NEXMIF: variants seen among roughly 807,000 people sequenced by gnomAD.
The protein encoded by NEXMIF is XLMR protein related to neurite extension.
A neutral mutation model predicts 62.1 loss-of-function variants in NEXMIF; 8 were observed. The observed-to-expected ratio is 0.13, with a 90% CI of 0.08 to 0.23. The LOEUF (loss-of-function observed/expected upper bound fraction) is 0.23, where lower values mean the gene tolerates loss of function less well. Among genes scored for constraint, NEXMIF ranks in the 10% least tolerant of loss-of-function variants. The pLI is 1.00. For synonymous variants in NEXMIF, 404 were observed against 416.6 expected (o/e 0.97, Z 0.37); for missense variants, 976 against 1,113.3 (o/e 0.88, Z 1.75).
At chrX:74,786,803 G>A (rs1294792052) in intron 1 of NEXMIF, among the ~76,000 whole-genome samples, 1 of 110,051 alleles carries the variant, frequency 9.1e-6, no homozygotes, top group Non-Finnish European at 1.9e-5. Context: ...GTAGATAACT[G>A]AAAACAAGGT....
intron 1 of NEXMIF, among the ~76,000 whole-genome samples, chrX:74,821,646 C>G (rs1490270263): frequency 1.8e-5 from 2 of 111,545 alleles, no homozygotes; most frequent in Non-Finnish European, 3.8e-5. Flanking sequence ...CCTCTTTTAC[C>G]TAAGTAGCAA....
intron 1 of NEXMIF, among the ~76,000 whole-genome samples, chrX:74,901,222 G>T (rs1285849646): frequency 8.9e-6 from 1 of 112,023 alleles, no homozygotes; most frequent in Non-Finnish European, 1.9e-5. Flanking sequence ...TTCTGGCATG[G>T]ATTGCCTTTA....
intron 1 of NEXMIF, among the ~76,000 whole-genome samples, chrX:74,807,890 T>C (rs909478944): frequency 2.7e-5 from 3 of 112,275 alleles, no homozygotes; most frequent in Non-Finnish European, 5.6e-5. Flanking sequence ...CCATTCAGTA[T>C]ACTTTTAGCT....
At chrX:74,887,285 C>A (rs186454722) in intron 1 of NEXMIF, among the ~76,000 whole-genome samples, 15,108 of 109,889 alleles carry the variant, frequency 0.14, 1,735 homozygotes, top group East Asian at 0.9. Flanking sequence ...GCAGCAAAAG[C>A]CAAAATTGAC....
intron 1 of NEXMIF, among the ~76,000 whole-genome samples, chrX:74,906,006 A>G (rs2080767659): frequency 9.0e-6 from 1 of 111,188 alleles, no homozygotes; most frequent in African/African-American, 3.3e-5. Flanking sequence ...AGGGTGGCTC[A>G]TGCCTGTAAT....
intron 1 of NEXMIF, among the ~76,000 whole-genome samples, chrX:74,846,880 T>A (rs1305249948): frequency 8.9e-6 from 1 of 112,195 alleles, no homozygotes; most frequent in Non-Finnish European, 1.9e-5. Flanking sequence ...CTCAGAACTG[T>A]TGGAGGCAAG....
intron 1 of NEXMIF, among the ~76,000 whole-genome samples, chrX:74,757,080 A>C (rs1157264465): frequency 4.5e-5 from 5 of 111,872 alleles, no homozygotes; most frequent in Admixed American, 1.9e-4. Flanking sequence ...ATTTGGGCTC[A>C]CTTGCAACAT....
intron 1 of NEXMIF, among the ~76,000 whole-genome samples, chrX:74,758,469 T>A (rs1193876699): frequency 3.6e-5 from 4 of 111,703 alleles, no homozygotes; most frequent in Non-Finnish European, 7.5e-5. Flanking sequence ...ATATAGGTCA[T>A]AACATGGGGG....
At chrX:74,749,830 C>G (rs1036352469) in intron 1 of NEXMIF, among the ~76,000 whole-genome samples, 3 of 112,041 alleles carry the variant, frequency 2.7e-5, no homozygotes, top group Admixed American at 9.6e-5. Context: ...ACACCCCCAA[C>G]TCCACAGGGC....
chrX:74,879,728 AGAAT>A (rs1272559092), intron 1 of NEXMIF, among the ~76,000 whole-genome samples: 1 of 112,127 alleles, frequency 8.9e-6, no homozygotes, highest in Non-Finnish European at 1.9e-5. Flanking sequence ...TTCACTTTTC[AGAAT>A]GTTTTCCTTT....
At chrX:74,854,110 C>G (rs2080525473) in intron 1 of NEXMIF, among the ~76,000 whole-genome samples, 1 of 111,638 alleles carries the variant, frequency 9.0e-6, no homozygotes, top group African/African-American at 3.3e-5. Flanking sequence ...CAAAACTAGA[C>G]AAGTATACAA....
chrX:74,829,860 TG>T (rs1334977734), intron 1 of NEXMIF, among the ~76,000 whole-genome samples: 1 of 112,154 alleles, frequency 8.9e-6, no homozygotes, highest in Non-Finnish European at 1.9e-5. Context: ...TTTTTGGAAA[TG>T]TCTGTTCAAA....
In NEXMIF at chrX:74,808,216, C is replaced by A. The variant is rs575466163; in HGVS notation, c.-47-62519G>T. Reference sequence around the variant, plus strand: ...GTCAGGAGTTCGAGACCAGCCTGGCCAAAATGGTACAACCCTGTCTCTACT... The same window carrying A: ...GTCAGGAGTTCGAGACCAGCCTGGCAAAAATGGTACAACCCTGTCTCTACT... On this transcript the variant is annotated intron_variant, in intron 1 of 3. Coordinates refer to ENST00000055682, the MANE Select transcript of NEXMIF (RefSeq NM_001008537.3). Among the ~76,000 whole-genome samples the A allele has an allele frequency of 2.7e-5, 3 of 110,482 alleles. No homozygotes were observed. In the South Asian group the frequency reaches 1.2e-3, roughly 44 times the overall value.
At chrX:74,924,819 A>G (rs2080838602) in intron 1 of NEXMIF, 64 bp downstream of exon 1, 1 of 112,932 alleles carries the variant, frequency 8.9e-6, no homozygotes, top group Admixed American at 9.3e-5. Context: ...TGCGGCCGCC[A>G]CCCCGAGCCA....
chrX:74,873,548 T>C (rs1248154997), intron 1 of NEXMIF, among the ~76,000 whole-genome samples: 1 of 111,922 alleles, frequency 8.9e-6, no homozygotes, highest in African/African-American at 3.2e-5. Flanking sequence ...TAGTTCTAGA[T>C]CCCTGAGGAA....
chrX:74,886,686 G>A (rs1163888717), intron 1 of NEXMIF, among the ~76,000 whole-genome samples: 4 of 110,614 alleles, frequency 3.6e-5, no homozygotes, highest in African/African-American at 1.3e-4. Flanking sequence ...CATGCTCATG[G>A]GTAGGAAGAA....
chrX:74,849,303 C>A (rs1387220357), intron 1 of NEXMIF, among the ~76,000 whole-genome samples: 3 of 112,654 alleles, frequency 2.7e-5, no homozygotes, highest in Admixed American at 9.3e-5. Context: ...AGGCACTCTG[C>A]TCAGCCAGAT....
At chrX:74,898,582 T>C (rs1181150625) in intron 1 of NEXMIF, among the ~76,000 whole-genome samples, 2 of 111,776 alleles carry the variant, frequency 1.8e-5, no homozygotes, top group African/African-American at 3.2e-5. Context: ...AGTTCATTAA[T>C]TGTGACAAAC....
intron 1 of NEXMIF, among the ~76,000 whole-genome samples, chrX:74,849,775 C>G (rs764634824): frequency 1.8e-5 from 2 of 112,638 alleles, no homozygotes; most frequent in South Asian, 7.5e-4. Context: ...GTCACTGCCA[C>G]TGCTGGCTGA....
Sources: gnomAD v4.1 joint callset for allele counts (sites outside exome capture counted in the v4.1 genomes callset) on GRCh38, gnomAD v4.1.1 for gene constraint, MANE v1.5 for transcripts, NCBI Gene and HGNC (gene_info 2026-07-23, HGNC 2026-07-21) for gene names.